The following BCL2 variants were observed in gnomAD, a reference collection of about 807,000 sequenced individuals.
BCL2 encodes BCL2 apoptosis regulator.
A neutral mutation model predicts 14.2 loss-of-function variants in BCL2; 1 was observed. The ratio of observed to expected loss-of-function variants is 0.07; its 90% CI spans 0.02 to 0.33. The LOEUF is 0.33. Among genes scored for constraint, BCL2 ranks in the 10% least tolerant of loss-of-function variants. The pLI, the probability that BCL2 is intolerant of heterozygous loss-of-function variation, is 0.99. For synonymous variants in BCL2, 151 were observed against 137.2 expected (o/e 1.10, Z -0.70); for missense variants, 247 against 305.9 (o/e 0.81, Z 1.44).
At chr18:63,203,253 G>A (rs1909750243) in intron 2 of BCL2, among the ~76,000 whole-genome samples, 1 of 152,188 alleles carries the variant, frequency 6.6e-6, no homozygotes, top group Non-Finnish European at 1.5e-5. Context: ...CCTCTTTTCT[G>A]AAGTCTGAAA....
intron 2 of BCL2, among the ~76,000 whole-genome samples, chr18:63,141,513 C>T (rs1282855526): frequency 6.6e-6 from 1 of 152,208 alleles, no homozygotes; most frequent in African/African-American, 2.4e-5. Flanking sequence ...CCCCAACCCC[C>T]ATATGCCCAC....
chr18:63,280,689 T>C (rs114643621), intron 2 of BCL2, among the ~76,000 whole-genome samples: 2,207 of 152,144 alleles, frequency 0.015, 59 homozygotes, highest in African/African-American at 0.051. Flanking sequence ...ATAAGAAATA[T>C]CGGTCAGGAA....
chr18:63,259,056 C>CT (rs1418773597), intron 2 of BCL2, among the ~76,000 whole-genome samples: 2 of 152,256 alleles, frequency 1.3e-5, no homozygotes, highest in African/African-American at 4.8e-5. Context: ...AAAAGACATT[C>CT]TAAGTGCTCC....
At chr18:63,139,813 C>T in intron 2 of BCL2, among the ~76,000 whole-genome samples, 1 of 152,166 alleles carries the variant, frequency 6.6e-6, no homozygotes, top group Non-Finnish European at 1.5e-5. Context: ...GTGCTCAGCC[C>T]TCTCTTGTTT....
At chr18:63,260,635 A>C (rs1475254705) in intron 2 of BCL2, among the ~76,000 whole-genome samples, 2 of 152,174 alleles carry the variant, frequency 1.3e-5, no homozygotes, top group Non-Finnish European at 2.9e-5. Flanking sequence ...GTTCGTTACT[A>C]ATGAGGCTCT....
intron 2 of BCL2, among the ~76,000 whole-genome samples, chr18:63,213,073 A>G (rs772918308): frequency 2.0e-5 from 3 of 152,324 alleles, no homozygotes; most frequent in Non-Finnish European, 4.4e-5. Flanking sequence ...GGAGCAGAGG[A>G]GGACAGAGGC....
Position 63,165,584 on chromosome 18 carries a change from C to T in BCL2, c.586-36825G>A, listed in dbSNP as rs544570984. The stretch of plus-strand genomic sequence containing the variant: ...TGGAGAGACCTCTCCTATCCCAAAC[C>T]TCTCTCAGGCTAAATGGCTACACAA... On this transcript the variant is annotated intron_variant, in intron 2 of 2. Coordinates refer to ENST00000333681, the MANE Select transcript of BCL2 (RefSeq NM_000633.3). Among the ~76,000 whole-genome samples, 32 of 152,330 alleles carry T rather than the reference C, an allele frequency of 2.1e-4. No homozygotes were observed. The South Asian group carries it at 6.6e-3, about 32-fold the overall frequency.
intron 2 of BCL2, among the ~76,000 whole-genome samples, chr18:63,255,389 A>G (rs1911441800): frequency 6.6e-6 from 1 of 152,160 alleles, no homozygotes; most frequent in Admixed American, 6.5e-5. Context: ...CAGGGGCTCA[A>G]AAGCATCACC....
intron 2 of BCL2, among the ~76,000 whole-genome samples, chr18:63,183,245 G>T (rs1362610925): frequency 6.6e-6 from 1 of 152,152 alleles, no homozygotes; most frequent in Non-Finnish European, 1.5e-5. Flanking sequence ...GACCCCTCTG[G>T]ACACCTCCCT....
intron 2 of BCL2, among the ~76,000 whole-genome samples, chr18:63,198,781 A>G (rs928500019): frequency 6.9e-6 from 1 of 145,294 alleles, no homozygotes; most frequent in African/African-American, 2.5e-5. Context: ...ACACACAGAC[A>G]CAGAGACACA....
In BCL2 at chr18:63,127,649, C is replaced by T. The variant is rs564586762; in HGVS notation, c.*976G>A. The T allele has an allele frequency of 4.3e-5, 10 of 229,908 alleles. No homozygotes were observed. Among genetic ancestry groups the T allele is most frequent in the Admixed American group, 1.7e-4 (3 of 17,662 alleles). 14.2% of individuals were successfully genotyped at this position (229,908 alleles called of 1,614,324 possible). ...CAAGCTGGGACACAGGCAGGTTCTG[C>T]GGACTTCGGTCTCCTAAAAGCAGGC... On this transcript the variant is annotated 3_prime_UTR_variant, in exon 3 of 3. Transcript: ENST00000333681.
At chr18:63,234,482 GTCTATCACCGATCATT>G (rs11269260) in intron 2 of BCL2, among the ~76,000 whole-genome samples, 71,676 of 151,864 alleles carry the variant, frequency 0.47, 18,895 homozygotes, top group Non-Finnish European at 0.61. Flanking sequence ...CCTTTATCTA[GTCTATCACCGATCATT>G]TCCCCAACAT....
intron 2 of BCL2, among the ~76,000 whole-genome samples, chr18:63,218,661 A>C (rs1257289959): frequency 8.6e-3 from 5 of 580 alleles, no homozygotes; most frequent in African/African-American, 0.015. Flanking sequence ...ACTCATCCCC[A>C]TCCTCCAGTC....
chr18:63,248,597 A>T (rs1305285028), intron 2 of BCL2, among the ~76,000 whole-genome samples: 2 of 152,232 alleles, frequency 1.3e-5, no homozygotes, highest in African/African-American at 4.8e-5. Flanking sequence ...GGATGCTAAT[A>T]CCATTATAAG....
chr18:63,224,231 T>A (rs2156193), intron 2 of BCL2, among the ~76,000 whole-genome samples: 140,712 of 152,216 alleles, frequency 0.92, 65,526 homozygotes, highest in Non-Finnish European at 0.99. Flanking sequence ...GAAGTTCAAC[T>A]CCCAAATAAT....
intron 2 of BCL2, among the ~76,000 whole-genome samples, chr18:63,291,116 A>C (rs914894154): frequency 6.6e-6 from 1 of 152,216 alleles, no homozygotes; most frequent in Non-Finnish European, 1.5e-5. Context: ...GGCTCTTTGA[A>C]GGTACGCCAT....
intron 2 of BCL2, among the ~76,000 whole-genome samples, chr18:63,309,213 G>T (rs750245663): frequency 5.3e-5 from 8 of 152,160 alleles, no homozygotes; most frequent in Non-Finnish European, 1.2e-4. Context: ...ATCAGCAGTA[G>T]CATTTAGGAC....
intron 2 of BCL2, among the ~76,000 whole-genome samples, chr18:63,311,269 C>T (rs970333059): frequency 9.2e-5 from 14 of 151,974 alleles, no homozygotes; most frequent in African/African-American, 3.4e-4. Context: ...TGTTGTAAAG[C>T]AGAAAAAATA....
At chr18:63,162,676 C>T (rs977624543) in intron 2 of BCL2, among the ~76,000 whole-genome samples, 36 of 152,076 alleles carry the variant, frequency 2.4e-4, no homozygotes, top group Admixed American at 2.3e-3. Context: ...TTTCTAGCAC[C>T]ATCTATGCTC....
Sources: allele counts gnomAD v4.1 joint callset (sites outside exome capture counted in the v4.1 genomes callset), GRCh38; gene constraint gnomAD v4.1.1; transcripts MANE v1.5; gene names NCBI Gene and HGNC (gene_info 2026-07-23, HGNC 2026-07-21).